The following SHANK2 variants were observed in gnomAD, a reference collection of about 807,000 sequenced individuals.
SHANK2 encodes the protein SH3 and multiple ankyrin repeat domains protein 2.
Under a neutral mutation model 133.7 loss-of-function variants are expected in SHANK2, and 43 were observed. The ratio of observed to expected loss-of-function variants is 0.32; its 90% CI spans 0.25 to 0.41. The LOEUF is 0.41. Among genes scored for constraint, SHANK2 ranks in the 10% least tolerant of loss-of-function variants. SHANK2 has a pLI of 1.00. For synonymous variants in SHANK2, 1,017 were observed against 952.8 expected (o/e 1.07, Z -1.24); for missense variants, 1,994 against 2,235.8 (o/e 0.89, Z 2.18).
At chr11:70,585,738 GCCATCCAT>G (rs139409521) in intron 17 of SHANK2, among the ~76,000 whole-genome samples, 6 of 149,962 alleles carry the variant, frequency 4.0e-5, no homozygotes, top group Non-Finnish European at 7.4e-5. Flanking sequence ...CATCCAACTA[GCCATCCAT>G]CCATCCATCC....
chr11:70,618,642 G>T (rs1035490121), intron 17 of SHANK2, among the ~76,000 whole-genome samples: 1 of 152,178 alleles, frequency 6.6e-6, no homozygotes, highest in Non-Finnish European at 1.5e-5. Flanking sequence ...TTGTGAATAC[G>T]GTAATCCAGC....
At chr11:70,559,045 G>C (rs2059871357) in intron 17 of SHANK2, among the ~76,000 whole-genome samples, 1 of 152,104 alleles carries the variant, frequency 6.6e-6, no homozygotes, top group African/African-American at 2.4e-5. Flanking sequence ...CCAAGATGGA[G>C]ACTCTTTCTG....
intron 10 of SHANK2, among the ~76,000 whole-genome samples, chr11:70,947,477 C>A (rs542386271): frequency 6.6e-6 from 1 of 151,926 alleles, no homozygotes; most frequent in African/African-American, 2.4e-5. Context: ...CTCAGCCTCC[C>A]GAGCAGCTGG....
intron 11 of SHANK2, 192 bp downstream of exon 11, chr11:70,896,309 T>C (rs1555075681): frequency 3.6e-6 from 2 of 551,788 alleles, no homozygotes. Context: ...AAGGTCTTCC[T>C]TAGCCCCATC....
At chr11:70,874,601 C>A (rs1555070829) in intron 11 of SHANK2, among the ~76,000 whole-genome samples, 1 of 140,100 alleles carries the variant, frequency 7.1e-6, no homozygotes, top group South Asian at 2.3e-4. Context: ...GAATGAATGT[C>A]AATTTTAAAG....
chr11:70,937,939 G>A (rs1379805949), intron 10 of SHANK2, among the ~76,000 whole-genome samples: 2 of 152,152 alleles, frequency 1.3e-5, no homozygotes, highest in African/African-American at 2.4e-5. Context: ...GTGGATGCCT[G>A]TGTGCATGCC....
intron 10 of SHANK2, among the ~76,000 whole-genome samples, chr11:70,898,043 A>G (rs1345708382): frequency 6.6e-6 from 1 of 151,028 alleles, no homozygotes; most frequent in African/African-American, 2.4e-5. Flanking sequence ...GCTCACTGCA[A>G]TCTCTGCCTC....
At chr11:71,231,739 A>G (rs1275748017) in intron 1 of SHANK2, among the ~76,000 whole-genome samples, 1 of 152,132 alleles carries the variant, frequency 6.6e-6, no homozygotes, top group African/African-American at 2.4e-5. Flanking sequence ...AAATACATAA[A>G]TTAGCTGGGC....
intron 2 of SHANK2, among the ~76,000 whole-genome samples, chr11:71,187,233 G>A (rs779413409): frequency 9.2e-5 from 14 of 152,202 alleles, no homozygotes; most frequent in Non-Finnish European, 1.6e-4. Context: ...GCACACTCAG[G>A]AAAATTTGCC....
chr11:70,877,239 C>T (rs12797182), intron 11 of SHANK2, among the ~76,000 whole-genome samples: 5,586 of 152,308 alleles, frequency 0.037, 143 homozygotes, highest in Middle Eastern at 0.061. Flanking sequence ...TGAGAGCAGG[C>T]AGGTGTTCCG....
intron 3 of SHANK2, among the ~76,000 whole-genome samples, chr11:71,140,015 C>T (rs79697673): frequency 0.03 from 4,505 of 152,228 alleles, 207 homozygotes; most frequent in African/African-American, 0.099. Context: ...ACTGGGGCCT[C>T]GGTGCAGACT....
rs570448736 is a variant in SHANK2, at chr11:71,216,584, T to C, written c.-13+8113A>G. 9.7e-4 allele frequency among the ~76,000 whole-genome samples: 147 copies of C among 152,170 alleles called. 1 individual carries two copies. The highest frequency in any genetic ancestry group is 1.8e-3 in the Non-Finnish European group (120 of 68,018). On this transcript the variant is annotated intron_variant, in intron 2 of 25. Coordinates refer to ENST00000601538, the MANE Select transcript of SHANK2 (RefSeq NM_012309.5). ...TTGATTTGGGTGATGACTGCGCCAC[T>C]CTGAAAATACAGCCACGTGCTGCTG...
chr11:70,622,493 C>T (rs892819436), intron 17 of SHANK2, among the ~76,000 whole-genome samples: 1 of 152,208 alleles, frequency 6.6e-6, no homozygotes, highest in Non-Finnish European at 1.5e-5. Flanking sequence ...AATTGATTCA[C>T]TCACAGTTCA....
chr11:70,759,242 C>T (rs1279155726), intron 14 of SHANK2, among the ~76,000 whole-genome samples: 1 of 151,474 alleles, frequency 6.6e-6, no homozygotes, highest in Non-Finnish European at 1.5e-5. Flanking sequence ...ACCTGTAATC[C>T]CAGCATTTTG....
intron 15 of SHANK2, among the ~76,000 whole-genome samples, chr11:70,673,608 G>A (rs1158270823): frequency 6.6e-6 from 1 of 152,258 alleles, no homozygotes; most frequent in Admixed American, 6.5e-5. Context: ...TGATGTCCTG[G>A]GCTTTGTAGG....
chr11:70,845,198 C>CAAAAAA (rs782471301), intron 11 of SHANK2, among the ~76,000 whole-genome samples: 111 of 47,274 alleles, frequency 2.3e-3, no homozygotes, highest in African/African-American at 2.8e-3. Context: ...GACTCTGTCT[C>CAAAAAA]AAAAAAAAAA....
At chr11:70,612,559 G>A (rs1263505014) in intron 17 of SHANK2, among the ~76,000 whole-genome samples, 1 of 152,214 alleles carries the variant, frequency 6.6e-6, no homozygotes, top group Non-Finnish European at 1.5e-5. Flanking sequence ...CATCCCTGAA[G>A]TATGCATACT....
At chr11:70,770,827 A>C (rs1031003787) in intron 14 of SHANK2, among the ~76,000 whole-genome samples, 2 of 151,664 alleles carry the variant, frequency 1.3e-5, no homozygotes, top group Non-Finnish European at 2.9e-5. Flanking sequence ...CCAGAAGTTA[A>C]CAGGCACAGT....
intron 17 of SHANK2, among the ~76,000 whole-genome samples, chr11:70,649,063 G>C (rs1247590649): frequency 3.3e-5 from 5 of 152,176 alleles, no homozygotes; most frequent in African/African-American, 1.2e-4. Flanking sequence ...CCGGAGACCA[G>C]AGAGAGTGTC....
Sources: allele counts gnomAD v4.1 joint callset (sites outside exome capture counted in the v4.1 genomes callset), GRCh38; gene constraint gnomAD v4.1.1; transcripts MANE v1.5; gene names NCBI Gene and HGNC (gene_info 2026-07-23, HGNC 2026-07-21).